IL1RAPL1: variants seen among roughly 807,000 people sequenced by gnomAD.
IL1RAPL1 encodes the protein interleukin 1 receptor accessory protein like 1, also known as interleukin-1 receptor accessory protein-like 1.
Under a neutral mutation model 48.4 loss-of-function variants are expected in IL1RAPL1, and 3 were observed. The observed-to-expected ratio is 0.06, with a 90% confidence interval of 0.03 to 0.16. The LOEUF (loss-of-function observed/expected upper bound fraction) is 0.16. Ranked by LOEUF, IL1RAPL1 falls within the 10% of genes least tolerant of loss-of-function variation. IL1RAPL1 has a pLI of 1.00. For synonymous variants in IL1RAPL1, 185 were observed against 187.7 expected (o/e 0.99, Z 0.12); for missense variants, 349 against 530.6 (o/e 0.66, Z 3.36).
intron 2 of IL1RAPL1, among the ~76,000 whole-genome samples, chrX:28,915,151 T>C (rs188708419): frequency 1.6e-3 from 184 of 111,536 alleles, no homozygotes; most frequent in African/African-American, 5.5e-3. Context: ...ATAGGGTTTG[T>C]GCTCCTGTGA....
At chrX:29,392,192 T>C (rs1397581166) in intron 3 of IL1RAPL1, among the ~76,000 whole-genome samples, 3 of 112,415 alleles carry the variant, frequency 2.7e-5, no homozygotes, top group African/African-American at 9.7e-5. Context: ...AATCATGATT[T>C]AAGTTTTTGT....
intron 2 of IL1RAPL1, among the ~76,000 whole-genome samples, chrX:29,043,656 T>C (rs1926893914): frequency 9.0e-6 from 1 of 111,460 alleles, no homozygotes; most frequent in Non-Finnish European, 1.9e-5. Flanking sequence ...AACACCCAAC[T>C]GTGTCAGAAT....
intron 2 of IL1RAPL1, among the ~76,000 whole-genome samples, chrX:29,240,487 G>A (rs1028431205): frequency 9.3e-6 from 1 of 107,655 alleles, no homozygotes; most frequent in Admixed American, 1.0e-4. Context: ...CGCCCTTCTC[G>A]GCCTCCCAAA....
At chrX:29,495,025 A>G (rs1399137232) in intron 5 of IL1RAPL1, among the ~76,000 whole-genome samples, 1 of 112,159 alleles carries the variant, frequency 8.9e-6, no homozygotes, top group Non-Finnish European at 1.9e-5. Flanking sequence ...ATTAAGGTCT[A>G]CTGGGACTCT....
intron 1 of IL1RAPL1, among the ~76,000 whole-genome samples, chrX:28,711,711 A>G (rs1373448205): frequency 2.8e-5 from 3 of 107,126 alleles, no homozygotes; most frequent in African/African-American, 6.7e-5. Context: ...AACTTTTAAT[A>G]TATAACTGTA....
chrX:29,058,202 C>T (rs1390317751), intron 2 of IL1RAPL1, among the ~76,000 whole-genome samples: 1 of 110,045 alleles, frequency 9.1e-6, no homozygotes, highest in African/African-American at 3.3e-5. Flanking sequence ...GGTGAAACCC[C>T]CCCGTCTCTA....
intron 2 of IL1RAPL1, among the ~76,000 whole-genome samples, chrX:28,937,480 G>A (rs1432197845): frequency 4.5e-5 from 5 of 111,125 alleles, no homozygotes; most frequent in African/African-American, 6.5e-5. Flanking sequence ...TCACACTCCC[G>A]AAACATTAAA....
intron 1 of IL1RAPL1, among the ~76,000 whole-genome samples, chrX:28,741,394 A>T (rs1251575836): frequency 9.1e-6 from 1 of 110,492 alleles, no homozygotes. Context: ...AGGTTGTTTG[A>T]TTTTTGCTTG....
chrX:28,751,769 A>C (rs1226072912), intron 1 of IL1RAPL1, among the ~76,000 whole-genome samples: 1 of 112,058 alleles, frequency 8.9e-6, no homozygotes, highest in African/African-American at 3.2e-5. Context: ...TACATCTTCA[A>C]AATAATATCT....
chrX:28,710,089 C>A (rs140185880), intron 1 of IL1RAPL1, among the ~76,000 whole-genome samples: 1,422 of 110,710 alleles, frequency 0.013, 29 homozygotes, highest in African/African-American at 0.045. Context: ...TAATATGATT[C>A]TATTTTAAAA....
At chrX:29,698,338 A>C (rs1926967936) in intron 6 of IL1RAPL1, among the ~76,000 whole-genome samples, 1 of 110,152 alleles carries the variant, frequency 9.1e-6, no homozygotes. Context: ...GCAATTTTTT[A>C]TTCAGTATGC....
At chrX:29,663,568 A>C (rs759151159) in intron 5 of IL1RAPL1, among the ~76,000 whole-genome samples, 1 of 112,429 alleles carries the variant, frequency 8.9e-6, no homozygotes, top group South Asian at 3.6e-4. Context: ...TCTAGATTAT[A>C]AGCTCTTTCA....
chrX:28,840,925 A>G (rs1921354727), intron 2 of IL1RAPL1, among the ~76,000 whole-genome samples: 1 of 111,172 alleles, frequency 9.0e-6, no homozygotes. Flanking sequence ...TATGTTTTAT[A>G]TGTGGTCTTG....
chrX:29,422,799 A>C (rs1278657939), intron 5 of IL1RAPL1, among the ~76,000 whole-genome samples: 2 of 111,530 alleles, frequency 1.8e-5, no homozygotes, highest in African/African-American at 6.5e-5. Context: ...AAACAACTAC[A>C]AGATGAAAAA....
chrX:28,592,535 C>T (rs1308658539), intron 1 of IL1RAPL1, among the ~76,000 whole-genome samples: 1 of 111,970 alleles, frequency 8.9e-6, no homozygotes, highest in Non-Finnish European at 1.9e-5. Context: ...ACTAAAACTG[C>T]ATCTCTTTAA....
intron 1 of IL1RAPL1, among the ~76,000 whole-genome samples, chrX:28,593,703 CT>C (rs1250315433): frequency 9.0e-6 from 1 of 111,351 alleles, no homozygotes; most frequent in Non-Finnish European, 1.9e-5. Context: ...TATTAGGTAT[CT>C]TATACTTTAT....
At chrX:29,438,624 C>T (rs1934508589) in intron 5 of IL1RAPL1, among the ~76,000 whole-genome samples, 1 of 111,047 alleles carries the variant, frequency 9.0e-6, no homozygotes, top group African/African-American at 3.3e-5. Flanking sequence ...TTCCTTGAAA[C>T]ATTTTTTGGC....
At chrX:28,897,227 T>C (rs1037855007) in intron 2 of IL1RAPL1, among the ~76,000 whole-genome samples, 59 of 105,296 alleles carry the variant, frequency 5.6e-4, no homozygotes, top group African/African-American at 2.0e-3. Context: ...GTCGGGGGGG[T>C]TCTTGCCCCC....
At chrX:29,546,405 G>T (rs1921627999) in intron 5 of IL1RAPL1, among the ~76,000 whole-genome samples, 1 of 111,412 alleles carries the variant, frequency 9.0e-6, no homozygotes, top group Non-Finnish European at 1.9e-5. Flanking sequence ...CCAGAAAAGG[G>T]AAATAGCATG....
Sources: gnomAD v4.1 joint callset for allele counts (sites outside exome capture counted in the v4.1 genomes callset) on GRCh38, gnomAD v4.1.1 for gene constraint, MANE v1.5 for transcripts, NCBI Gene and HGNC (gene_info 2026-07-23, HGNC 2026-07-21) for gene names.